The following SRRM3 variants were observed in gnomAD, a reference collection of about 807,000 sequenced individuals.
SRRM3 encodes serine/arginine repetitive matrix 3.
Under a neutral mutation model 66.2 loss-of-function variants are expected in SRRM3, and 27 were observed. The observed-to-expected ratio is 0.41, with a 90% CI of 0.30 to 0.56. SRRM3 has a LOEUF of 0.56. Ranked by LOEUF, SRRM3 falls within the 20% of genes least tolerant of loss-of-function variation. The probability of loss-of-function intolerance (pLI) is 0.32; values close to 1 mark genes in which losing one functional copy is unlikely to be tolerated. For synonymous variants in SRRM3, 391 were observed against 414.9 expected, an observed-to-expected ratio of 0.94 and a Z score of 0.70; for missense variants, 918 against 991.9, an observed-to-expected ratio of 0.93 and a Z score of 1.00.
At chr7:76,240,479 G>C (rs1477793584) in intron 2 of SRRM3, among the ~76,000 whole-genome samples, 1 of 151,906 alleles carries the variant, frequency 6.6e-6, no homozygotes, top group Non-Finnish European at 1.5e-5. Flanking sequence ...AATTAGCCGG[G>C]TGTGGTGGCA....
intron 3 of SRRM3, among the ~76,000 whole-genome samples, chr7:76,255,145 TTTC>T (rs1401724731): frequency 0.055 from 5,543 of 100,300 alleles, 383 homozygotes; most frequent in African/African-American, 0.16. Flanking sequence ...TCTTTCTTTC[TTTC>T]TTTTTTTTTT....
intron 11 of SRRM3, among the ~76,000 whole-genome samples, chr7:76,280,838 C>T (rs1802478968): frequency 5.5e-5 from 8 of 144,378 alleles, no homozygotes; most frequent in Admixed American, 5.0e-4. Flanking sequence ...CCACTCTTGT[C>T]CCCTGCCTGT....
intron 3 of SRRM3, among the ~76,000 whole-genome samples, chr7:76,255,120 T>C (rs1024596408): frequency 6.7e-6 from 1 of 149,896 alleles, no homozygotes; most frequent in South Asian, 2.1e-4. Context: ...AACATTATTT[T>C]TCCTTTTCTT....
intron 3 of SRRM3, among the ~76,000 whole-genome samples, chr7:76,253,787 CAAA>C (rs782083114): frequency 2.6e-3 from 171 of 64,770 alleles, no homozygotes; most frequent in African/African-American, 7.5e-3. Flanking sequence ...AACTCTGTTT[CAAA>C]AAAAAAAAAA....
Position 76,220,728 on chromosome 7 carries a change from C to A in SRRM3, c.-39-14300C>A, listed in dbSNP as rs565710702. 4.6e-5 allele frequency among the ~76,000 whole-genome samples: 7 copies of A among 152,208 alleles called. No homozygotes were observed. The East Asian group carries it at 1.3e-3, about 29-fold the overall frequency. ...GGTCAAAACACAGAGCTGCAGTGCC[C>A]GCACCCTTGCAAGCCAGGCTGCCTG... On this transcript the variant is annotated intron_variant, in intron 1 of 14. Transcript: ENST00000611745.
At chr7:76,210,137 C>T (rs1342671779) in intron 1 of SRRM3, among the ~76,000 whole-genome samples, 3 of 152,240 alleles carry the variant, frequency 2.0e-5, no homozygotes, top group Admixed American at 2.0e-4. Flanking sequence ...CAGAGACATG[C>T]CTCTGGGAGC....
At chr7:76,254,163 A>C (rs989170587) in intron 3 of SRRM3, among the ~76,000 whole-genome samples, 10 of 151,460 alleles carry the variant, frequency 6.6e-5, no homozygotes, top group Non-Finnish European at 4.4e-5. Context: ...ACATCCAGCT[A>C]ATCTACATGT....
Position 76,216,905 on chromosome 7 carries a change from G to C in SRRM3, c.-40+14838G>C, listed in dbSNP as rs150493662. On this transcript the variant is annotated intron_variant, in intron 1 of 14. Coordinates refer to ENST00000611745, the MANE Select transcript of SRRM3 (RefSeq NM_001110199.3). ...CAGCCCCCAGCCCGACTCTCTCTTT[G>C]ATCTCAGCCGGCCCAGCAGAAACCT... Among the ~76,000 whole-genome samples the C allele has an allele frequency of 3.0e-3, 457 of 152,316 alleles. 5 individuals carry two copies. Among genetic ancestry groups the C allele is most frequent in the African/African-American group, 0.01 (430 of 41,572 alleles).
At chr7:76,282,203 G>A (rs1279095192) in intron 12 of SRRM3, among the ~76,000 whole-genome samples, 1 of 148,404 alleles carries the variant, frequency 6.7e-6, no homozygotes, top group Non-Finnish European at 1.5e-5. Flanking sequence ...ACTCCAGGGA[G>A]TTTCCCTCCC....
chr7:76,206,398 G>C lies in SRRM3; in HGVS notation c.-40+4331G>C, dbSNP rs182374529. Among the ~76,000 whole-genome samples, 45 of 152,260 alleles carry C rather than the reference G, an allele frequency of 3.0e-4. No homozygotes were observed. In the Middle Eastern group the frequency reaches 0.01, roughly 35 times the overall value. Reference sequence around the variant, plus strand: ...GAGAGAGAGAGAGAGAGCAGGAGGAGTGGGATGCCCAGGAGAACAGAGGGG... The same window carrying C: ...GAGAGAGAGAGAGAGAGCAGGAGGACTGGGATGCCCAGGAGAACAGAGGGG... On this transcript the variant is annotated intron_variant, in intron 1 of 14. Coordinates refer to ENST00000611745, the MANE Select transcript of SRRM3 (RefSeq NM_001110199.3).
intron 1 of SRRM3, among the ~76,000 whole-genome samples, chr7:76,227,397 G>A (rs919566026): frequency 6.6e-6 from 1 of 152,158 alleles, no homozygotes; most frequent in Admixed American, 6.5e-5. Context: ...CACAATAAAT[G>A]GCTGCACCAT....
At chr7:76,279,827 T>C (rs1554611598) in intron 11 of SRRM3, among the ~76,000 whole-genome samples, 1 of 152,112 alleles carries the variant, frequency 6.6e-6, no homozygotes, top group African/African-American at 2.4e-5. Flanking sequence ...ACTCCACTTT[T>C]GGAAAAACAT....
intron 1 of SRRM3, among the ~76,000 whole-genome samples, chr7:76,209,398 T>C (rs191625791): frequency 7.8e-4 from 119 of 152,236 alleles, no homozygotes; most frequent in Non-Finnish European, 1.4e-3. Flanking sequence ...GACATTTCAG[T>C]TGGGCCTCAA....
chr7:76,277,716 C>CAAAAAAAAA (rs386353056), intron 11 of SRRM3, among the ~76,000 whole-genome samples: 1 of 102,780 alleles, frequency 9.7e-6, no homozygotes, highest in African/African-American at 4.2e-5. Flanking sequence ...TAAACAACAA[C>CAAAAAAAAA]AAAAAAAAAA....
rs1801964271 is a variant in SRRM3, at chr7:76,264,672, C to A, written c.675-93C>A. ...GCTTAGGCCCTAGAGTGGAACAAAT[C>A]TCAGATCCACACCTGAGTATACCCA... On this transcript the variant is annotated intron_variant, in intron 8 of 14. Coordinates refer to ENST00000611745, the MANE Select transcript of SRRM3 (RefSeq NM_001110199.3). The A allele has an allele frequency of 4.4e-6, 6 of 1,367,198 alleles. No individual in the cohort carries two copies. In the South Asian group the frequency reaches 4.9e-5, roughly 11 times the overall value. 84.7% of individuals were successfully genotyped at this position (1,367,198 alleles called of 1,614,324 possible). A position where few individuals can be genotyped will look rare whatever the true frequency, so the allele number is the denominator to read the frequency against.
intron 8 of SRRM3, among the ~76,000 whole-genome samples, chr7:76,263,192 GT>G (rs1801924589): frequency 6.6e-6 from 1 of 152,210 alleles, no homozygotes; most frequent in Non-Finnish European, 1.5e-5. Context: ...GGTCCTAAAA[GT>G]GAACTAGGAA....
intron 10 of SRRM3, among the ~76,000 whole-genome samples, chr7:76,266,585 T>A (rs1397372060): frequency 8.1e-6 from 1 of 122,908 alleles, no homozygotes; most frequent in Non-Finnish European, 1.6e-5. Flanking sequence ...TTATATATTA[T>A]ATATTTTATA....
intron 1 of SRRM3, among the ~76,000 whole-genome samples, chr7:76,223,884 TCCC>T (rs1800784554): frequency 1.9e-5 from 1 of 52,088 alleles, no homozygotes; most frequent in African/African-American, 1.3e-4. Context: ...TCCCTTCCCT[TCCC>T]TTCCCTCCCC....
chr7:76,269,056 T>C (rs1309408685), intron 11 of SRRM3: 4 of 151,736 alleles, frequency 2.6e-5, no homozygotes, highest in African/African-American at 9.7e-5. Flanking sequence ...AGCCCTGGAG[T>C]CCTGAGCAAT....
Sources: allele counts gnomAD v4.1 joint callset (sites outside exome capture counted in the v4.1 genomes callset), GRCh38; gene constraint gnomAD v4.1.1; transcripts MANE v1.5; gene names NCBI Gene and HGNC (gene_info 2026-07-23, HGNC 2026-07-21).